The following NALF1 variants were observed in gnomAD, a reference collection of about 807,000 sequenced individuals.
NALF1 encodes the protein family with sequence similarity 155 member A.
Under a neutral mutation model 48.4 loss-of-function variants are expected in NALF1, and 3 were observed. The ratio of observed to expected loss-of-function variants is 0.06; its 90% CI spans 0.03 to 0.16. The LOEUF is 0.16. Ranked by LOEUF, NALF1 falls within the 10% of genes least tolerant of loss-of-function variation. NALF1 has a pLI of 1.00. For synonymous variants in NALF1, 262 were observed against 245.7 expected (o/e 1.07, Z -0.62); for missense variants, 526 against 571.5 (o/e 0.92, Z 0.81).
chr13:107,659,471 G>A (rs1310438235), intron 1 of NALF1, among the ~76,000 whole-genome samples: 2 of 150,514 alleles, frequency 1.3e-5, no homozygotes, highest in Non-Finnish European at 2.9e-5. Flanking sequence ...TATTTCTAGA[G>A]ACCTATTCTC....
At chr13:107,791,476 T>C (rs1878231094) in intron 1 of NALF1, among the ~76,000 whole-genome samples, 1 of 152,228 alleles carries the variant, frequency 6.6e-6, no homozygotes, top group Admixed American at 6.5e-5. Context: ...GGGCATGTCA[T>C]ACTTTTGTAA....
At chr13:107,787,911 T>G (rs4143295) in intron 1 of NALF1, among the ~76,000 whole-genome samples, 7,700 of 152,290 alleles carry the variant, frequency 0.051, 574 homozygotes, top group East Asian at 0.39. Context: ...TGTTAGGAAT[T>G]GAAAGCTTTA....
At chr13:107,616,292 G>T (rs1879377566) in intron 1 of NALF1, among the ~76,000 whole-genome samples, 2 of 152,138 alleles carry the variant, frequency 1.3e-5, no homozygotes, top group South Asian at 4.1e-4. Context: ...GCTGATTTCT[G>T]TCAACACGCT....
At chr13:107,709,520 A>G (rs1020456932) in intron 1 of NALF1, among the ~76,000 whole-genome samples, 1 of 152,254 alleles carries the variant, frequency 6.6e-6, no homozygotes, top group African/African-American at 2.4e-5. Context: ...TGTGCTTCAC[A>G]AGGAAACTAG....
intron 1 of NALF1, among the ~76,000 whole-genome samples, chr13:107,384,765 GAAGA>G (rs977153038): frequency 6.6e-6 from 1 of 152,268 alleles, no homozygotes; most frequent in Non-Finnish European, 1.5e-5. Flanking sequence ...ACAAAAATCT[GAAGA>G]AAGATCTGTC....
chr13:107,312,374 A>G (rs940039603), intron 1 of NALF1, among the ~76,000 whole-genome samples: 37 of 151,992 alleles, frequency 2.4e-4, no homozygotes, highest in Admixed American at 2.2e-3. Context: ...TTGAACAATG[A>G]GAACACATGG....
chr13:107,769,610 C>A (rs1244852915), intron 1 of NALF1, among the ~76,000 whole-genome samples: 2 of 149,702 alleles, frequency 1.3e-5, no homozygotes, highest in African/African-American at 2.5e-5. Context: ...TTAGTGGGTT[C>A]AGTACACCAG....
chr13:107,737,069 T>C (rs985880594), intron 1 of NALF1, among the ~76,000 whole-genome samples: 4 of 152,216 alleles, frequency 2.6e-5, no homozygotes, highest in Non-Finnish European at 5.9e-5. Context: ...CCACATCAAC[T>C]TTTCCATGTT....
chr13:107,323,716 C>A (rs1400940035), intron 1 of NALF1, among the ~76,000 whole-genome samples: 1 of 152,174 alleles, frequency 6.6e-6, no homozygotes, highest in Admixed American at 6.6e-5. Context: ...AGAAGGAATG[C>A]ACAACAACTA....
intron 1 of NALF1, among the ~76,000 whole-genome samples, chr13:107,847,579 C>A (rs1276313373): frequency 6.6e-6 from 1 of 152,166 alleles, no homozygotes; most frequent in Non-Finnish European, 1.5e-5. Context: ...AAGCCAGCTG[C>A]CAGATTGTAA....
intron 1 of NALF1, among the ~76,000 whole-genome samples, chr13:107,526,602 T>A (rs906504707): frequency 2.0e-5 from 3 of 152,162 alleles, no homozygotes; most frequent in African/African-American, 7.2e-5. Flanking sequence ...TGGTAAATTA[T>A]TGTTTAGCAA....
At chr13:107,291,730 G>A (rs1205692686) in intron 1 of NALF1, among the ~76,000 whole-genome samples, 1 of 151,962 alleles carries the variant, frequency 6.6e-6, no homozygotes, top group East Asian at 1.9e-4. Flanking sequence ...CAAAATCAAA[G>A]ATGTAACATT....
intron 1 of NALF1, among the ~76,000 whole-genome samples, chr13:107,574,056 G>C (rs923006467): frequency 1.3e-5 from 2 of 151,948 alleles, no homozygotes; most frequent in Non-Finnish European, 2.9e-5. Flanking sequence ...AAACAATAAA[G>C]GTATATGGTA....
intron 1 of NALF1, among the ~76,000 whole-genome samples, chr13:107,719,825 C>T (rs1214784287): frequency 1.3e-5 from 2 of 152,126 alleles, no homozygotes; most frequent in Non-Finnish European, 2.9e-5. Flanking sequence ...CCAAATAATA[C>T]CAACAGTCTA....
intron 1 of NALF1, among the ~76,000 whole-genome samples, chr13:107,409,655 C>T (rs1409054295): frequency 6.6e-6 from 1 of 152,138 alleles, no homozygotes; most frequent in Non-Finnish European, 1.5e-5. Context: ...TGCATGTTGT[C>T]TCATTTGACA....
chr13:107,309,910 T>C (rs139504278), intron 1 of NALF1, among the ~76,000 whole-genome samples: 1,651 of 152,282 alleles, frequency 0.011, 27 homozygotes, highest in African/African-American at 0.037. Flanking sequence ...TTTACAGTAG[T>C]GAAGATTCCT....
At chr13:107,630,064 C>A (rs185070416) in intron 1 of NALF1, among the ~76,000 whole-genome samples, 1 of 152,260 alleles carries the variant, frequency 6.6e-6, no homozygotes, top group East Asian at 1.9e-4. Flanking sequence ...CTAGTTAGAT[C>A]AACCCATTTA....
chr13:107,230,320 A>C lies in NALF1; in HGVS notation c.916-19565T>G, dbSNP rs528877765. On this transcript the variant is annotated intron_variant, in intron 1 of 2. Transcript: ENST00000375915. ...GTATTCTACTCATAAAAGGTAGGGC[A>C]CCTTTATTTTTCTCTCCCTCATCTC... Among the ~76,000 whole-genome samples the C allele has an allele frequency of 4.3e-4, 65 of 152,256 alleles. No individual in the cohort carries two copies. The South Asian group carries it at 8.1e-3, about 19-fold the overall frequency.
rs58981652 is a variant in NALF1, at chr13:107,644,646, C to CATAT, written c.915+221032_915+221035dup. On this transcript the variant is annotated intron_variant, in intron 1 of 2. Transcript: ENST00000375915. ...GTGTGTATACATACATACATACATA[C>CATAT]ATATATATATATATATATATGCTTT... 7.9e-4 allele frequency among the ~76,000 whole-genome samples: 85 copies of CATAT among 108,248 alleles called. 3 individuals carry two copies. The highest frequency in any genetic ancestry group is 1.3e-3 in the South Asian group (4 of 3,156). The allele number at this position is 108,248 out of a possible 152,430, so 71.0% of individuals were successfully genotyped here.
Sources: allele counts gnomAD v4.1 joint callset (sites outside exome capture counted in the v4.1 genomes callset), GRCh38; gene constraint gnomAD v4.1.1; transcripts MANE v1.5; gene names NCBI Gene and HGNC (gene_info 2026-07-23, HGNC 2026-07-21).